ACCS: variants seen among roughly 807,000 people sequenced by gnomAD.
ACCS encodes the protein 1-aminocyclopropane-1-carboxylate synthase-like protein 1.
Under a neutral mutation model 59.8 loss-of-function variants are expected in ACCS, and 42 were observed. That is an observed-to-expected ratio of 0.70 (90% CI 0.55 to 0.91). The LOEUF is 0.91. Ranked by LOEUF, ACCS falls within the 40% of genes least tolerant of loss-of-function variation. ACCS has a pLI of 0.00. For synonymous variants in ACCS, 230 were observed against 240.3 expected (o/e 0.96, Z 0.40); for missense variants, 602 against 630.4 (o/e 0.95, Z 0.48).
chr11:44,077,404 C>A (rs771870363), intron 7 of ACCS, 28 bp downstream of exon 7: 10 of 1,612,480 alleles, frequency 6.2e-6, no homozygotes, highest in Non-Finnish European at 7.6e-6. Flanking sequence ...CTAGGTGGAA[C>A]CTGGGCCTGC....
At chr11:44,074,118 T>C (rs558606651) in intron 4 of ACCS, among the ~76,000 whole-genome samples, 8 of 152,306 alleles carry the variant, frequency 5.3e-5, no homozygotes, top group African/African-American at 1.9e-4. Context: ...GTGTGGACTT[T>C]GCCTCTTACC....
At chr11:44,072,996 T>A (rs1275107503) in intron 3 of ACCS, among the ~76,000 whole-genome samples, 3 of 152,208 alleles carry the variant, frequency 2.0e-5, no homozygotes, top group Non-Finnish European at 4.4e-5. Context: ...CTACTTTTTT[T>A]AAAGTGTGAG....
In ACCS at chr11:44,078,695, C is replaced by T. The variant is rs138361173; in HGVS notation, c.744C>T (p.Val248=). Residue 248 remains valine, a synonymous_variant, in exon 9 of 15, where the codon GTC becomes GTT. Transcript: ENST00000263776. ...LREAHSEGVK[V]KGLILISPQN... is the part of the protein sequence containing the mutation. ...ACGGATGGTTTCAGGGTGTGAAGGTCAAAGGCCTCATCCTCATCAGCCCCC... is the reference window on the plus strand; with the variant it reads ...ACGGATGGTTTCAGGGTGTGAAGGTTAAAGGCCTCATCCTCATCAGCCCCC... 152 of 1,613,964 alleles carry T rather than the reference C, an allele frequency of 9.4e-5. No homozygotes were observed. In the Middle Eastern group the frequency reaches 2.2e-3, roughly 23 times the overall value.
At chr11:44,075,261 C>T (rs1377089046) in intron 5 of ACCS, among the ~76,000 whole-genome samples, 2 of 152,200 alleles carry the variant, frequency 1.3e-5, no homozygotes, top group Non-Finnish European at 2.9e-5. Flanking sequence ...ATAATTTCCA[C>T]CCCATGTTGT....
chr11:44,076,205 G>A (rs181176014), intron 6 of ACCS, among the ~76,000 whole-genome samples: 5 of 152,342 alleles, frequency 3.3e-5, no homozygotes, highest in Admixed American at 2.6e-4. Flanking sequence ...TGCTGCAAGA[G>A]CCTGTTGTTT....
At chr11:44,079,062 A>G (rs183435242) in intron 9 of ACCS, 11 of 449,082 alleles carry the variant, frequency 2.4e-5, no homozygotes, top group African/African-American at 6.9e-5. Flanking sequence ...CAACAATGCT[A>G]TCATACAATC....
intron 2 of ACCS, among the ~76,000 whole-genome samples, chr11:44,070,086 G>A (rs1446700580): frequency 6.6e-6 from 1 of 152,202 alleles, no homozygotes; most frequent in East Asian, 1.9e-4. Flanking sequence ...AGATGGGCAG[G>A]CGATGGGGTC....
chr11:44,079,523 C>T lies in ACCS; in HGVS notation c.834-8C>T, dbSNP rs1430270762. ...AAGTCTCTCCTCCCCACCCCTGCCT[C>T]ACTCCAGGCACAGGCTGCATGTGAT... On this transcript the variant is annotated splice_region_variant and splice_polypyrimidine_tract_variant and intron_variant, in intron 9 of 14. Transcript: ENST00000263776. The T allele has an allele frequency of 6.2e-7, 1 of 1,607,032 alleles. No homozygotes were observed. The highest frequency in any genetic ancestry group is 8.5e-7 in the Non-Finnish European group (1 of 1,177,044).
chr11:44,069,719 T>C (rs965230720), intron 2 of ACCS, among the ~76,000 whole-genome samples: 4 of 152,230 alleles, frequency 2.6e-5, no homozygotes, highest in Admixed American at 2.0e-4. Flanking sequence ...AATTGCCTCA[T>C]GGCATGGTAG....
At chr11:44,068,544 A>G (rs1215063954) in intron 2 of ACCS, among the ~76,000 whole-genome samples, 1 of 152,208 alleles carries the variant, frequency 6.6e-6, no homozygotes, top group African/African-American at 2.4e-5. Context: ...GGTTGAGACT[A>G]TAGTGAGCCA....
At chr11:44,083,136 A>G (rs1953713707) in intron 12 of ACCS, 33 bp from the exon 13 acceptor site, 2 of 1,567,780 alleles carry the variant, frequency 1.3e-6, no homozygotes, top group Non-Finnish European at 1.7e-6. Flanking sequence ...GGTTGATGGG[A>G]TATTGATCTT....
chr11:44,078,427 CA>C, intron 8 of ACCS: 1 of 438,572 alleles, frequency 2.3e-6, no homozygotes. Context: ...TTTGAAAGTG[CA>C]AAAGGCCAAC....
In ACCS at chr11:44,077,279, A is replaced by C. The variant is rs376250182; in HGVS notation, c.557A>C (p.Glu186Ala). The C allele has an allele frequency of 2.5e-6, 4 of 1,613,632 alleles. No individual in the cohort carries two copies. Among genetic ancestry groups the C allele is most frequent in the Non-Finnish European group, 2.5e-6 (3 of 1,179,798 alleles). ...ALATVLCEAG[E>A]AFLIPTPYYG... ...GGCCCTCGCCCACTCCTGCCCCCAG[A>C]GGCTTTCCTGATCCCCACCCCTTAC... The change falls in exon 7 of 15, where the codon GAG becomes GCG. Residue 186 changes from glutamate to alanine, a missense_variant and splice_region_variant. Transcript: ENST00000263776.
In ACCS at chr11:44,081,182, T is replaced by G. The variant is rs1427391906; in HGVS notation, c.973T>G (p.Phe325Val). The G allele has an allele frequency of 6.2e-7, 1 of 1,614,118 alleles. No individual in the cohort carries two copies. Among genetic ancestry groups the G allele is most frequent in the Non-Finnish European group, 8.5e-7 (1 of 1,180,050 alleles). The change falls in exon 12 of 15, where the codon TTC becomes GTC. Residue 325 changes from phenylalanine (F) to valine (V), a missense_variant. By Grantham distance (50) the Phe-to-Val change is conservative. Transcript: ENST00000263776. Reference sequence around the variant, plus strand: ...CCTAGGGTGCTTCTTCCTGCAGGACTTCGGGATGTCTGGGCTCCGCTTTGG... The same window carrying G: ...CCTAGGGTGCTTCTTCCTGCAGGACGTCGGGATGTCTGGGCTCCGCTTTGG... ...THVMWATSKD[F>V]GMSGLRFGTL...
Position 44,067,673 on chromosome 11 carries a change from C to T in ACCS, c.46C>T (p.Leu16=). The change falls in exon 2 of 15, where the codon CTG becomes TTG. Residue 16 remains leucine (L), a synonymous_variant. Transcript: ENST00000263776. ...GGACTTCAGGGCTCCCACCACCTGTCTGGGCCCCACCTGCATGCAGGACCT... is the reference window on the plus strand; with the variant it reads ...GGACTTCAGGGCTCCCACCACCTGTTTGGGCCCCACCTGCATGCAGGACCT... ...QKDFRAPTTC[L]GPTCMQDLGS... 6.2e-7 allele frequency: 1 copy of T among 1,613,990 alleles called. No individual in the cohort carries two copies. Among genetic ancestry groups the T allele is most frequent in the South Asian group, 1.1e-5 (1 of 91,066 alleles).
At position 44,067,921 on chromosome 11, in the gene ACCS, T is replaced by G; in HGVS notation, c.288+6T>G. On this transcript the variant is annotated splice_donor_region_variant and intron_variant, in intron 2 of 14. Transcript: ENST00000263776. The stretch of plus-strand genomic sequence containing the variant: ...ATGAGGACAAGAACCCCAGTGTGAG[T>G]GAAGCTCCCCTCCCACTGGGACCCA... 6.3e-7 allele frequency: 1 copy of G among 1,588,488 alleles called. No homozygotes were observed. Among genetic ancestry groups the G allele is most frequent in the Non-Finnish European group, 8.6e-7 (1 of 1,167,688 alleles).
intron 1 of ACCS, 25 bp from the exon 2 acceptor site, chr11:44,067,603 G>A (rs1374063518): frequency 1.3e-6 from 2 of 1,581,176 alleles, no homozygotes; most frequent in East Asian, 4.5e-5. Context: ...CCTTGAGCAG[G>A]CCTGTGCGTT....
chr11:44,071,174 T>C lies in ACCS; in HGVS notation c.289-82T>C, dbSNP rs1953031037. ...GATTGTAGAGAGCTCCCACTTTGCT[T>C]TGCTGCCTCCATGGGCTCCTGGGGC... On this transcript the variant is annotated intron_variant, in intron 2 of 14. Coordinates refer to ENST00000263776, the MANE Select transcript of ACCS (RefSeq NM_032592.4). 4.3e-5 allele frequency: 63 copies of C among 1,475,450 alleles called. 2 individuals are homozygous for C. The East Asian group carries it at 1.4e-3, about 33-fold the overall frequency. 91.4% of individuals were successfully genotyped at this position (1,475,450 alleles called of 1,614,324 possible). A position where few individuals can be genotyped will look rare whatever the true frequency, so the allele number is the denominator to read the frequency against.
rs774977666 is a variant in ACCS, at chr11:44,079,607, C to CT, written c.911dup (p.Ser305LysfsTer7). On this transcript the variant is annotated frameshift_variant, in exon 10 of 15. Transcript: ENST00000263776. LOFTEE classifies it high-confidence loss of function. ...GAAGTCTGTTGGGTACCGCAGTGTC[C>CT]TAAGCCTGGAAAGGTGAGGCTCCCT... 6.2e-7 allele frequency: 1 copy of CT among 1,609,942 alleles called. No individual in the cohort carries two copies. The highest frequency in any genetic ancestry group is 8.5e-7 in the Non-Finnish European group (1 of 1,178,332).
Sources: gnomAD v4.1 joint callset for allele counts (sites outside exome capture counted in the v4.1 genomes callset) on GRCh38, gnomAD v4.1.1 for gene constraint, MANE v1.5 for transcripts, NCBI Gene and HGNC (gene_info 2026-07-23, HGNC 2026-07-21) for gene names.